Variants in PDGFC observed in about 807,000 individuals in gnomAD.
The protein encoded by PDGFC is platelet derived growth factor C.
In PDGFC, 12 loss-of-function variants were observed where a neutral mutation model predicts 35.5. The observed-to-expected ratio is 0.34, with a 90% confidence interval of 0.22 to 0.55. PDGFC has a LOEUF of 0.55. Among genes scored for constraint, PDGFC ranks in the 20% least tolerant of loss-of-function variants. PDGFC has a pLI of 0.91. For missense variants in PDGFC, 322 were observed against 412.4 expected, an observed-to-expected ratio of 0.78 and a Z score of 1.90; for synonymous variants, 159 against 148.8, an observed-to-expected ratio of 1.07 and a Z score of -0.50.
intron 1 of PDGFC, among the ~76,000 whole-genome samples, chr4:156,885,258 T>C (rs1730348632): frequency 1.3e-5 from 2 of 152,266 alleles, no homozygotes. Context: ...AGAAGATATA[T>C]GTGTGCTTAT....
chr4:156,942,738 T>C (rs1283278326), intron 1 of PDGFC, among the ~76,000 whole-genome samples: 2 of 148,712 alleles, frequency 1.3e-5, no homozygotes, highest in Admixed American at 6.8e-5. Context: ...ATATGTATAA[T>C]TATAATTATA....
intron 3 of PDGFC, among the ~76,000 whole-genome samples, chr4:156,782,240 A>C (rs530811005): frequency 6.6e-6 from 1 of 152,302 alleles, no homozygotes; most frequent in African/African-American, 2.4e-5. Context: ...AAATAAGCAT[A>C]ATGATACCCT....
intron 1 of PDGFC, among the ~76,000 whole-genome samples, chr4:156,904,266 C>G (rs1730862018): frequency 6.6e-6 from 1 of 151,910 alleles, no homozygotes; most frequent in Non-Finnish European, 1.5e-5. Context: ...TGGATAAAAG[C>G]TGGAAAAAGG....
chr4:156,836,061 C>T (rs1729055542), intron 2 of PDGFC: 1 of 152,148 alleles, frequency 6.6e-6, no homozygotes, highest in Non-Finnish European at 1.5e-5. Context: ...CTAGGCAAGA[C>T]CGTATTTCTA....
intron 1 of PDGFC, among the ~76,000 whole-genome samples, chr4:156,853,142 C>T (rs1265020027): frequency 6.6e-6 from 1 of 152,228 alleles, no homozygotes; most frequent in Non-Finnish European, 1.5e-5. Flanking sequence ...TTCTATCGCA[C>T]ACAAAGCTGT....
intron 1 of PDGFC, among the ~76,000 whole-genome samples, chr4:156,903,516 C>T (rs1189428599): frequency 6.6e-6 from 1 of 151,666 alleles, no homozygotes; most frequent in African/African-American, 2.4e-5. Context: ...GATGGTTTCC[C>T]CTATGAAAAT....
chr4:156,895,246 T>A (rs538178873), intron 1 of PDGFC, among the ~76,000 whole-genome samples: 2 of 152,310 alleles, frequency 1.3e-5, no homozygotes, highest in East Asian at 3.9e-4. Context: ...CTTCTATTTC[T>A]AAATAAAATC....
chr4:156,854,657 A>G (rs948481179), intron 1 of PDGFC, among the ~76,000 whole-genome samples: 3 of 152,102 alleles, frequency 2.0e-5, no homozygotes, highest in African/African-American at 7.2e-5. Context: ...AAGTTTACCA[A>G]ATTAAGACAC....
At chr4:156,896,431 C>G (rs1730634889) in intron 1 of PDGFC, among the ~76,000 whole-genome samples, 1 of 152,150 alleles carries the variant, frequency 6.6e-6, no homozygotes, top group African/African-American at 2.4e-5. Context: ...AGGAGTTTTA[C>G]ATGCTCCTGG....
At chr4:156,853,649 T>C (rs982879156) in intron 1 of PDGFC, among the ~76,000 whole-genome samples, 1 of 152,254 alleles carries the variant, frequency 6.6e-6, no homozygotes, top group African/African-American at 2.4e-5. Context: ...ATTCTCCACA[T>C]AGACAAATTT....
At chr4:156,777,743 G>A (rs949077795) in intron 3 of PDGFC, among the ~76,000 whole-genome samples, 1 of 152,086 alleles carries the variant, frequency 6.6e-6, no homozygotes, top group Non-Finnish European at 1.5e-5. Context: ...AACTATTATA[G>A]GAGCAAACAA....
At chr4:156,840,775 C>G (rs1399814595) in intron 2 of PDGFC, among the ~76,000 whole-genome samples, 1 of 152,198 alleles carries the variant, frequency 6.6e-6, no homozygotes, top group Non-Finnish European at 1.5e-5. Context: ...GAGTTCACGT[C>G]TTGCATCAGC....
intron 1 of PDGFC, among the ~76,000 whole-genome samples, chr4:156,911,644 C>G (rs750805282): frequency 7.2e-5 from 11 of 151,950 alleles, no homozygotes; most frequent in Non-Finnish European, 1.3e-4. Flanking sequence ...CATGAAAATT[C>G]TGAGGAATAG....
intron 1 of PDGFC, among the ~76,000 whole-genome samples, chr4:156,954,257 T>G (rs978768706): frequency 1.3e-5 from 2 of 152,016 alleles, no homozygotes; most frequent in African/African-American, 4.8e-5. Context: ...TATTTAGTTC[T>G]GCCCATAATC....
chr4:156,784,335 G>A (rs1456256798), intron 3 of PDGFC, among the ~76,000 whole-genome samples: 1 of 152,116 alleles, frequency 6.6e-6, no homozygotes, highest in Non-Finnish European at 1.5e-5. Flanking sequence ...GGAGGTCTTA[G>A]TGATTTTTCC....
At chr4:156,921,837 C>T (rs1209698218) in intron 1 of PDGFC, among the ~76,000 whole-genome samples, 2 of 152,038 alleles carry the variant, frequency 1.3e-5, no homozygotes, top group African/African-American at 4.8e-5. Flanking sequence ...TATTAGCTGC[C>T]TTGTCAATAT....
At chr4:156,806,334 C>T (rs1457903510) in intron 3 of PDGFC, among the ~76,000 whole-genome samples, 1 of 151,838 alleles carries the variant, frequency 6.6e-6, no homozygotes, top group Non-Finnish European at 1.5e-5. Context: ...TTCTAATTCT[C>T]TTAATATAAA....
At chr4:156,780,056 T>G (rs1730935250) in intron 3 of PDGFC, among the ~76,000 whole-genome samples, 1 of 150,400 alleles carries the variant, frequency 6.6e-6, no homozygotes, top group African/African-American at 2.4e-5. Context: ...CTAAATAACA[T>G]AGTACTAAGA....
chr4:156,878,149 A>C (rs1259933079), intron 1 of PDGFC, among the ~76,000 whole-genome samples: 1 of 152,200 alleles, frequency 6.6e-6, no homozygotes, highest in Admixed American at 6.5e-5. Context: ...AAAGCGCTTA[A>C]AAATATTTGG....
Sources: allele counts gnomAD v4.1 joint callset (sites outside exome capture counted in the v4.1 genomes callset), GRCh38; gene constraint gnomAD v4.1.1; transcripts MANE v1.5; gene names NCBI Gene and HGNC (gene_info 2026-07-23, HGNC 2026-07-21).